Variants in VPS13B observed in about 807,000 individuals in gnomAD.
The protein encoded by VPS13B is intermembrane lipid transfer protein VPS13B.
A neutral mutation model predicts 426.4 loss-of-function variants in VPS13B; 285 were observed. The ratio of observed to expected loss-of-function variants is 0.67; its 90% CI spans 0.61 to 0.74. The LOEUF is 0.74. Among genes scored for constraint, VPS13B ranks in the 30% least tolerant of loss-of-function variants. The pLI, the probability that VPS13B is intolerant of heterozygous loss-of-function variation, is 0.00. For missense variants in VPS13B, 4,537 were observed against 4,782.6 expected, an observed-to-expected ratio of 0.95 and a Z score of 1.51; for synonymous variants, 1,676 against 1,676.4, an observed-to-expected ratio of 1.00 and a Z score of 0.01.
In VPS13B at chr8:99,454,824, A is replaced by G. The variant is rs117735022; in HGVS notation, c.3445+12189A>G. Among the ~76,000 whole-genome samples the G allele has an allele frequency of 9.4e-3, 1,427 of 152,198 alleles. 8 individuals carry two copies. The highest frequency in any genetic ancestry group is 0.015 in the Non-Finnish European group (1,005 of 68,016). On this transcript the variant is annotated intron_variant, in intron 23 of 61. Coordinates refer to ENST00000357162, the MANE Select transcript of VPS13B (RefSeq NM_152564.5). ...GGTGTTCTGAATTTTGGCCATTCTG[A>G]TAGGTATGTAGTGGTATCTAAATGC...
intron 19 of VPS13B, among the ~76,000 whole-genome samples, chr8:99,276,167 T>G (rs931895596): frequency 5.3e-5 from 8 of 152,074 alleles, no homozygotes; most frequent in African/African-American, 1.9e-4. Context: ...AATAAAGCAG[T>G]GCACAAATGA....
At chr8:99,678,105 TA>T (rs999853338) in intron 35 of VPS13B, among the ~76,000 whole-genome samples, 2 of 152,226 alleles carry the variant, frequency 1.3e-5, no homozygotes, top group African/African-American at 4.8e-5. Context: ...ATGTTCACAG[TA>T]AATTAAGCCA....
intron 19 of VPS13B, among the ~76,000 whole-genome samples, chr8:99,314,462 G>T (rs765248214): frequency 6.6e-6 from 1 of 152,126 alleles, no homozygotes; most frequent in Non-Finnish European, 1.5e-5. Context: ...GCTTAAATCT[G>T]GTTATTTCAT....
At chr8:99,390,860 ATCAGACTTTATT>A (rs1206316391) in intron 20 of VPS13B, among the ~76,000 whole-genome samples, 2 of 152,206 alleles carry the variant, frequency 1.3e-5, no homozygotes, top group Admixed American at 1.3e-4. Context: ...CATCAGTAAC[ATCAGACTTTATT>A]TCAGTGAATA....
At chr8:99,232,499 C>T (rs371360855) in intron 17 of VPS13B, among the ~76,000 whole-genome samples, 5 of 152,066 alleles carry the variant, frequency 3.3e-5, no homozygotes, top group African/African-American at 1.2e-4. Context: ...CTAGAAAAGC[C>T]TGCTTTCTCT....
At chr8:99,570,480 T>G (rs1825417674) in intron 31 of VPS13B, among the ~76,000 whole-genome samples, 1 of 152,104 alleles carries the variant, frequency 6.6e-6, no homozygotes, top group Admixed American at 6.5e-5. Context: ...TGTCTTTAAC[T>G]TTAGTAACTG....
At chr8:99,255,954 G>A (rs759434292) in intron 17 of VPS13B, among the ~76,000 whole-genome samples, 3 of 152,166 alleles carry the variant, frequency 2.0e-5, no homozygotes, top group Non-Finnish European at 4.4e-5. Flanking sequence ...AGAGTATGCT[G>A]AAGATGGAAG....
At chr8:99,257,789 C>G (rs1817833975) in intron 17 of VPS13B, among the ~76,000 whole-genome samples, 1 of 150,410 alleles carries the variant, frequency 6.6e-6, no homozygotes, top group South Asian at 2.1e-4. Context: ...TGCCCTAATG[C>G]TGACTTTTTT....
chr8:99,222,310 T>C (rs963507042), intron 17 of VPS13B, among the ~76,000 whole-genome samples: 7 of 152,214 alleles, frequency 4.6e-5, no homozygotes, highest in Non-Finnish European at 1.0e-4. Context: ...ACCCCCAATA[T>C]TGGCATTTAC....
chr8:99,266,369 A>G (rs868556783), intron 17 of VPS13B, among the ~76,000 whole-genome samples: 3 of 152,168 alleles, frequency 2.0e-5, no homozygotes, highest in Middle Eastern at 3.4e-3. Context: ...CTATGATTGC[A>G]CTACTGCACT....
In VPS13B at chr8:99,830,628, TC is replaced by T. The variant is rs138508658; in HGVS notation, c.9331-1739del. Among the ~76,000 whole-genome samples, 53 of 152,168 alleles carry T rather than the reference TC, an allele frequency of 3.5e-4. No homozygotes were observed. In the East Asian group the frequency reaches 0.01, roughly 30 times the overall value. On this transcript the variant is annotated intron_variant, in intron 51 of 61. Coordinates refer to ENST00000357162, the MANE Select transcript of VPS13B (RefSeq NM_152564.5). Reference sequence around the variant, plus strand: ...GTGAACGATTCTGTCTCGCTGGCATTCCAGGTGCCACTGGGGTATGAAAAAA... The same window carrying T: ...GTGAACGATTCTGTCTCGCTGGCATTCAGGTGCCACTGGGGTATGAAAAAA...
At chr8:99,133,199 C>A (rs1373021150) in intron 8 of VPS13B, among the ~76,000 whole-genome samples, 1 of 152,208 alleles carries the variant, frequency 6.6e-6, no homozygotes, top group African/African-American at 2.4e-5. Context: ...CGTGCAGCTT[C>A]TACGTCAACC....
intron 17 of VPS13B, chr8:99,233,252 TCA>T: frequency 8.2e-7 from 1 of 1,216,706 alleles, no homozygotes; most frequent in Non-Finnish European, 1.2e-6. Flanking sequence ...TGCAGTTCAT[TCA>T]CAGTCTTGCC....
intron 19 of VPS13B, among the ~76,000 whole-genome samples, chr8:99,296,852 G>A (rs990928487): frequency 2.0e-5 from 3 of 152,140 alleles, no homozygotes; most frequent in Admixed American, 2.0e-4. Context: ...TAGTAAACCT[G>A]CAGGCATCTT....
At chr8:99,043,644 C>T (rs1041719497) in intron 3 of VPS13B, among the ~76,000 whole-genome samples, 1 of 152,020 alleles carries the variant, frequency 6.6e-6, no homozygotes, top group Non-Finnish European at 1.5e-5. Context: ...TTTGTGGTCC[C>T]TCCCCCACTG....
At chr8:99,230,307 G>C (rs1816253758) in intron 17 of VPS13B, among the ~76,000 whole-genome samples, 1 of 152,054 alleles carries the variant, frequency 6.6e-6, no homozygotes, top group Non-Finnish European at 1.5e-5. Flanking sequence ...GATCCATATG[G>C]CTCTCTGTTG....
chr8:99,530,738 G>A (rs376703445), intron 30 of VPS13B, among the ~76,000 whole-genome samples: 3 of 151,890 alleles, frequency 2.0e-5, no homozygotes, highest in East Asian at 1.9e-4. Context: ...CCTACATCTC[G>A]GTCGAACCTC....
At position 99,439,988 on chromosome 8, in the gene VPS13B, T is replaced by A. The variant is rs555508685; in HGVS notation, c.3211-2413T>A. 1.2e-4 allele frequency among the ~76,000 whole-genome samples: 19 copies of A among 152,210 alleles called. No homozygotes were observed. In the East Asian group the frequency reaches 3.7e-3, roughly 29 times the overall value. Reference sequence around the variant, plus strand: ...TTATTAAAATAAGAATAACAAATAATTTTTACTTTATTGGTTTATCTTCAG... The same window carrying A: ...TTATTAAAATAAGAATAACAAATAAATTTTACTTTATTGGTTTATCTTCAG... On this transcript the variant is annotated intron_variant, in intron 22 of 61. Transcript: ENST00000357162.
chr8:99,075,812 C>G (rs956032510), intron 3 of VPS13B, among the ~76,000 whole-genome samples: 1 of 152,044 alleles, frequency 6.6e-6, no homozygotes, highest in African/African-American at 2.4e-5. Flanking sequence ...TTGATTTTAT[C>G]TTTTCAAAAA....
Sources: allele counts gnomAD v4.1 joint callset (sites outside exome capture counted in the v4.1 genomes callset), GRCh38; gene constraint gnomAD v4.1.1; transcripts MANE v1.5; gene names NCBI Gene and HGNC (gene_info 2026-07-23, HGNC 2026-07-21).